CARMIL1: variants seen among roughly 807,000 people sequenced by gnomAD.
The protein encoded by CARMIL1 is F-actin-uncapping protein LRRC16A.
Under a neutral mutation model 177.1 loss-of-function variants are expected in CARMIL1, and 90 were observed. The observed-to-expected ratio is 0.51, with a 90% CI of 0.43 to 0.61. CARMIL1 has a LOEUF of 0.61. CARMIL1 is among the 20% of genes least tolerant of loss of function. The pLI is 0.00. For synonymous variants in CARMIL1, 577 were observed against 606.2 expected (o/e 0.95, Z 0.71); for missense variants, 1,380 against 1,667.0 (o/e 0.83, Z 3.00).
intron 29 of CARMIL1, among the ~76,000 whole-genome samples, chr6:25,561,365 C>T (rs957870112): frequency 6.6e-6 from 1 of 152,312 alleles, no homozygotes. Flanking sequence ...AACTAGCTCA[C>T]TAATTGTATG....
intron 17 of CARMIL1, among the ~76,000 whole-genome samples, chr6:25,506,985 A>G (rs1045577952): frequency 1.1e-4 from 17 of 152,178 alleles, no homozygotes; most frequent in African/African-American, 4.1e-4. Context: ...CCTTCCTTGA[A>G]TGAGAGGATA....
chr6:25,471,311 G>T (rs1801079315), intron 10 of CARMIL1, 54 bp downstream of exon 10: 3 of 1,278,984 alleles, frequency 2.3e-6, no homozygotes, highest in African/African-American at 3.0e-5. Context: ...TGTGCCATTT[G>T]CTCTTCTAAT....
Position 25,554,187 on chromosome 6 carries a change from C to T in CARMIL1, c.2592+91C>T. ...CCGGTGTGGGGATGTGATTTCTTTT[C>T]TGTATTTCACACTATTACAGCTTTA... On this transcript the variant is annotated intron_variant, in intron 28 of 36. Transcript: ENST00000329474. This position sits in a 1 kb window ranked among gnomAD's most constrained non-coding sequence, Gnocchi z 4.6. 2 of 883,272 alleles carry T rather than the reference C, an allele frequency of 2.3e-6. No individual in the cohort carries two copies. Among genetic ancestry groups the T allele is most frequent in the South Asian group, 2.9e-5 (2 of 69,700 alleles). The allele number at this position is 883,272 out of a possible 1,614,324, so 54.7% of individuals were successfully genotyped here. A position where few individuals can be genotyped will look rare whatever the true frequency, so the allele number is the denominator to read the frequency against.
At chr6:25,297,271 T>C (rs1005411521) in intron 2 of CARMIL1, among the ~76,000 whole-genome samples, 9 of 152,260 alleles carry the variant, frequency 5.9e-5, no homozygotes, top group Admixed American at 5.9e-4. Flanking sequence ...TAGTCACATA[T>C]TTGGCTTGGG....
chr6:25,559,376 C>T (rs923313809), intron 29 of CARMIL1, among the ~76,000 whole-genome samples: 6 of 152,122 alleles, frequency 3.9e-5, no homozygotes, highest in African/African-American at 1.4e-4. Flanking sequence ...GCATTTAATT[C>T]GTGATGGTTT....
At chr6:25,493,047 C>G (rs1803385781) in intron 15 of CARMIL1, among the ~76,000 whole-genome samples, 1 of 152,136 alleles carries the variant, frequency 6.6e-6, no homozygotes, top group Non-Finnish European at 1.5e-5. Flanking sequence ...CTAGTCAACT[C>G]ATATATTTGA....
At chr6:25,538,452 C>T (rs1808533951) in intron 25 of CARMIL1, among the ~76,000 whole-genome samples, 1 of 152,122 alleles carries the variant, frequency 6.6e-6, no homozygotes. Flanking sequence ...CACTGAATGT[C>T]ATTAGTATGA....
chr6:25,299,214 A>G (rs1262347015), intron 2 of CARMIL1, among the ~76,000 whole-genome samples: 1 of 138,788 alleles, frequency 7.2e-6, no homozygotes, highest in Non-Finnish European at 1.5e-5. Flanking sequence ...TCTGTTGTCC[A>G]GGCTGGAGTG....
chr6:25,325,190 T>C (rs1393243035), intron 2 of CARMIL1, among the ~76,000 whole-genome samples: 1 of 152,226 alleles, frequency 6.6e-6, no homozygotes, highest in Non-Finnish European at 1.5e-5. Context: ...TCTCATTTGT[T>C]GAGCTGTGCC....
chr6:25,579,687 C>T (rs910715405), intron 29 of CARMIL1, among the ~76,000 whole-genome samples: 16 of 152,176 alleles, frequency 1.1e-4, no homozygotes, highest in Non-Finnish European at 2.1e-4. Context: ...AAAGCCAAAT[C>T]GGCAAGTTTC....
chr6:25,440,735 G>A (rs974249185), intron 5 of CARMIL1, among the ~76,000 whole-genome samples: 4 of 152,214 alleles, frequency 2.6e-5, no homozygotes, highest in African/African-American at 9.6e-5. Context: ...TATGTTTCCA[G>A]TAATGTCATA....
At chr6:25,322,268 GCTCT>G (rs1561982390) in intron 2 of CARMIL1, among the ~76,000 whole-genome samples, 1 of 152,006 alleles carries the variant, frequency 6.6e-6, no homozygotes, top group Non-Finnish European at 1.5e-5. Flanking sequence ...GATTACAGGC[GCTCT>G]CCACCATACC....
intron 2 of CARMIL1, among the ~76,000 whole-genome samples, chr6:25,358,029 G>A (rs944787962): frequency 3.3e-5 from 5 of 152,166 alleles, no homozygotes; most frequent in South Asian, 2.1e-4. Flanking sequence ...GGTTTTGTCC[G>A]TATAAGGAGT....
intron 36 of CARMIL1, 98 bp from the exon 37 acceptor site, chr6:25,619,348 TC>T (rs1350099792): frequency 1.6e-6 from 2 of 1,224,438 alleles, no homozygotes; most frequent in East Asian, 5.2e-5. Context: ...CCCCCTCCCC[TC>T]CCCCAAACCT....
At chr6:25,347,586 C>A (rs909130406) in intron 2 of CARMIL1, among the ~76,000 whole-genome samples, 2 of 152,092 alleles carry the variant, frequency 1.3e-5, no homozygotes, top group African/African-American at 4.8e-5. Flanking sequence ...GGGTATGGTT[C>A]TTTGAATTTT....
At chr6:25,322,575 A>G (rs971268421) in intron 2 of CARMIL1, among the ~76,000 whole-genome samples, 26 of 152,158 alleles carry the variant, frequency 1.7e-4, no homozygotes, top group African/African-American at 6.3e-4. Context: ...TGAATGCTGC[A>G]TTTTTCTGAG....
intron 2 of CARMIL1, among the ~76,000 whole-genome samples, chr6:25,308,911 A>G (rs1469649062): frequency 6.6e-6 from 1 of 152,206 alleles, no homozygotes; most frequent in Non-Finnish European, 1.5e-5. Flanking sequence ...AGAATCAACT[A>G]TTAATTCAAC....
chr6:25,447,467 A>C (rs1224248482), intron 5 of CARMIL1, among the ~76,000 whole-genome samples: 5 of 152,236 alleles, frequency 3.3e-5, no homozygotes, highest in African/African-American at 1.2e-4. Context: ...ATGGAAATTC[A>C]TAAGAATGAC....
chr6:25,343,118 T>A (rs955217687), intron 2 of CARMIL1, among the ~76,000 whole-genome samples: 3 of 152,230 alleles, frequency 2.0e-5, no homozygotes, highest in African/African-American at 4.8e-5. Flanking sequence ...TGGAATGTTT[T>A]ATAGTATCCA....
Sources: gnomAD v4.1 joint callset for allele counts (sites outside exome capture counted in the v4.1 genomes callset) on GRCh38, gnomAD v4.1.1 for gene constraint, Gnocchi (gnomAD v3.1) non-coding constraint, MANE v1.5 for transcripts, NCBI Gene and HGNC (gene_info 2026-07-23, HGNC 2026-07-21) for gene names.